The following FILIP1L variants were observed in gnomAD, a reference collection of about 807,000 sequenced individuals.
FILIP1L encodes filamin A-interacting protein 1-like.
FILIP1L carries 55 observed loss-of-function variants against 96.6 expected under a neutral mutation model. That is an observed-to-expected ratio of 0.57 (90% CI 0.46 to 0.71). The LOEUF is 0.71. FILIP1L is among the 30% of genes least tolerant of loss of function. The probability of loss-of-function intolerance (pLI) is 0.00; values close to 1 mark genes in which losing one functional copy is unlikely to be tolerated. For synonymous variants in FILIP1L, 467 were observed against 473.9 expected (o/e 0.99, Z 0.19); for missense variants, 1,304 against 1,321.2 (o/e 0.99, Z 0.20).
intron 4 of FILIP1L, among the ~76,000 whole-genome samples, chr3:99,854,299 T>C (rs1162458696): frequency 6.6e-6 from 1 of 152,192 alleles, no homozygotes; most frequent in Non-Finnish European, 1.5e-5. Flanking sequence ...GGATTTAGCA[T>C]TGATACTTGC....
intron 1 of FILIP1L, among the ~76,000 whole-genome samples, chr3:99,948,814 A>C (rs1708093144): frequency 6.6e-6 from 1 of 152,212 alleles, no homozygotes; most frequent in African/African-American, 2.4e-5. Flanking sequence ...AGAGAGCCTC[A>C]GAATCATAAG....
chr3:100,030,330 A>G (rs1244436852), intron 1 of FILIP1L, among the ~76,000 whole-genome samples: 1 of 152,178 alleles, frequency 6.6e-6, no homozygotes, highest in East Asian at 1.9e-4. Flanking sequence ...AAAACTAGAC[A>G]GTGGCTCCCT....
At chr3:99,885,301 T>G (rs1705857472) in intron 4 of FILIP1L, among the ~76,000 whole-genome samples, 1 of 152,226 alleles carries the variant, frequency 6.6e-6, no homozygotes, top group Non-Finnish European at 1.5e-5. Flanking sequence ...GACCTGGTGT[T>G]GACTCTCAGT....
At chr3:100,084,283 T>G (rs890803247) in intron 1 of FILIP1L, among the ~76,000 whole-genome samples, 1 of 152,222 alleles carries the variant, frequency 6.6e-6, no homozygotes, top group African/African-American at 2.4e-5. Context: ...TCCTACCTGC[T>G]ATTTTTCACT....
chr3:99,841,744 A>T (rs1009719495), intron 5 of FILIP1L, among the ~76,000 whole-genome samples: 4 of 152,246 alleles, frequency 2.6e-5, no homozygotes, highest in Non-Finnish European at 4.4e-5. Context: ...GCTCAACATC[A>T]CTAATTATCA....
chr3:99,913,784 G>A (rs1441219652), intron 4 of FILIP1L, among the ~76,000 whole-genome samples: 1 of 152,136 alleles, frequency 6.6e-6, no homozygotes, highest in Non-Finnish European at 1.5e-5. Context: ...GCTGTGAGTT[G>A]GAAATTACTT....
At chr3:99,840,024 G>T (rs572792638) in intron 5 of FILIP1L, among the ~76,000 whole-genome samples, 2 of 152,188 alleles carry the variant, frequency 1.3e-5, no homozygotes, top group African/African-American at 4.8e-5. Context: ...AGATATTATT[G>T]TCACAGTTGG....
intron 4 of FILIP1L, among the ~76,000 whole-genome samples, chr3:99,916,437 TACAC>T (rs10529210): frequency 0.091 from 12,521 of 136,990 alleles, 600 homozygotes; most frequent in Middle Eastern, 0.14. Context: ...TAACGGTTTA[TACAC>T]ACACACACAC....
At chr3:99,959,839 T>A (rs183498168) in intron 1 of FILIP1L, among the ~76,000 whole-genome samples, 1 of 152,294 alleles carries the variant, frequency 6.6e-6, no homozygotes, top group East Asian at 1.9e-4. Flanking sequence ...AACAGTAAGA[T>A]TATGAGCATG....
At chr3:99,916,113 G>A (rs1486239786) in intron 4 of FILIP1L, among the ~76,000 whole-genome samples, 13 of 152,308 alleles carry the variant, frequency 8.5e-5, no homozygotes, top group Non-Finnish European at 1.3e-4. Context: ...TTTCCAAAGA[G>A]GTTAGCATTT....
rs530579428 is a variant in FILIP1L, at chr3:100,079,637, C to A, written c.-11+34416G>T. The stretch of plus-strand genomic sequence containing the variant: ...GTGGAATCAGAATCCTCTTTCAAAT[C>A]CTTCTGATTTTCAATTCATTGTGAG... On this transcript the variant is annotated intron_variant, in intron 1 of 5. Transcript: ENST00000477258. 5.9e-5 allele frequency among the ~76,000 whole-genome samples: 9 copies of A among 152,140 alleles called. No individual in the cohort carries two copies. The South Asian group carries it at 1.9e-3, about 32-fold the overall frequency.
At chr3:100,041,331 G>T (rs1253168352) in intron 1 of FILIP1L, 19 of 152,116 alleles carry the variant, frequency 1.2e-4, no homozygotes, top group Admixed American at 1.2e-3. Flanking sequence ...GACATCCTAA[G>T]CTGTAAGCAC....
intron 1 of FILIP1L, among the ~76,000 whole-genome samples, chr3:100,103,266 G>A (rs2066339284): frequency 6.6e-6 from 1 of 152,222 alleles, no homozygotes; most frequent in Non-Finnish European, 1.5e-5. Flanking sequence ...GTGGCAGCAA[G>A]AGCTATGAGA....
intron 1 of FILIP1L, among the ~76,000 whole-genome samples, chr3:100,020,831 G>A (rs2064801540): frequency 2.4e-5 from 3 of 125,484 alleles, no homozygotes; most frequent in Non-Finnish European, 4.7e-5. Flanking sequence ...ACAGTGGCAC[G>A]ATCTCAGCTC....
At chr3:100,061,783 A>G (rs2065570958) in intron 1 of FILIP1L, among the ~76,000 whole-genome samples, 1 of 152,234 alleles carries the variant, frequency 6.6e-6, no homozygotes, top group African/African-American at 2.4e-5. Flanking sequence ...GCAATACCCA[A>G]GGACTCACAG....
chr3:99,966,887 G>A (rs1039168139), intron 1 of FILIP1L, among the ~76,000 whole-genome samples: 6 of 152,170 alleles, frequency 3.9e-5, no homozygotes, highest in Non-Finnish European at 8.8e-5. Flanking sequence ...GCAGAACTCC[G>A]AGCAGCCTGG....
intron 1 of FILIP1L, among the ~76,000 whole-genome samples, chr3:100,085,540 CTT>C (rs1230511559): frequency 6.6e-6 from 1 of 152,194 alleles, no homozygotes; most frequent in East Asian, 1.9e-4. Flanking sequence ...TTCTTCCTCT[CTT>C]ATCAACCAAG....
chr3:99,865,178 A>G (rs1944453044), intron 4 of FILIP1L, among the ~76,000 whole-genome samples: 1 of 152,188 alleles, frequency 6.6e-6, no homozygotes, highest in African/African-American at 2.4e-5. Flanking sequence ...TTAGTCCTGC[A>G]AACAGTCATA....
Position 99,848,947 on chromosome 3 carries a change from T to C in FILIP1L, c.2729A>G (p.His910Arg). The change falls in exon 5 of 6, where the codon CAT becomes CGT. Residue 910 changes from histidine to arginine, a missense_variant. Transcript: ENST00000477258. ...QPLHIKVTPD[H>R]VQNTATLEIT... Reference sequence around the variant, plus strand: ...TTCAAGAGTGGCTGTGTTTTGTACATGGTCTGGAGTAACCTTTATATGAAG... The same window carrying C: ...TTCAAGAGTGGCTGTGTTTTGTACACGGTCTGGAGTAACCTTTATATGAAG... 1 of 1,614,166 alleles carries C rather than the reference T, an allele frequency of 6.2e-7. No individual in the cohort carries two copies. Among genetic ancestry groups the C allele is most frequent in the Non-Finnish European group, 8.5e-7 (1 of 1,180,022 alleles).
Sources: gnomAD v4.1 joint callset for allele counts (sites outside exome capture counted in the v4.1 genomes callset) on GRCh38, gnomAD v4.1.1 for gene constraint, MANE v1.5 for transcripts, NCBI Gene and HGNC (gene_info 2026-07-23, HGNC 2026-07-21) for gene names.